Variants in CREBBP observed in about 807,000 individuals in gnomAD.
CREBBP encodes the protein CREB binding lysine acetyltransferase, also known as CREB-binding protein.
CREBBP carries 19 observed loss-of-function variants against 265.0 expected under a neutral mutation model. That is an observed-to-expected ratio of 0.07 (90% CI 0.05 to 0.11). The LOEUF (loss-of-function observed/expected upper bound fraction) is 0.11, where lower values mean the gene tolerates loss of function less well. Ranked by LOEUF, CREBBP falls within the 10% of genes least tolerant of loss-of-function variation. The pLI, the probability that CREBBP is intolerant of heterozygous loss-of-function variation, is 1.00. For missense variants in CREBBP, 2,525 were observed against 3,219.0 expected (o/e 0.78, Z 5.22); for synonymous variants, 1,457 against 1,223.7 (o/e 1.19, Z -3.98).
rs2051915412 is a variant in CREBBP at position 3,731,499 on chromosome 16, C to G, written c.4891-26G>C. ...CTGCAGGAGAGGAGGGGCTTTAGTC[C>G]CACACAAGGGACATGGCACCTCCAG... On this transcript the variant is annotated intron_variant, in intron 29 of 30. Coordinates refer to ENST00000262367, the MANE Select transcript of CREBBP (RefSeq NM_004380.3). The surrounding 1 kb of genome is among the most constrained non-coding windows in gnomAD (Gnocchi z 7.7). 6.4e-7 allele frequency: 1 copy of G among 1,564,170 alleles called. No homozygotes were observed. Among genetic ancestry groups the G allele is most frequent in the East Asian group, 2.3e-5 (1 of 42,848 alleles).
intron 2 of CREBBP, among the ~76,000 whole-genome samples, chr16:3,844,328 T>G (rs1458552685): frequency 6.6e-6 from 1 of 152,136 alleles, no homozygotes; most frequent in Non-Finnish European, 1.5e-5. Context: ...ACTTTTGATT[T>G]TACAATTACA....
Position 3,851,882 on chromosome 16 carries a change from C to G in CREBBP, c.86-873G>C, listed in dbSNP as rs1393267489. On this transcript the variant is annotated intron_variant, in intron 1 of 30. Transcript: ENST00000262367. Reference sequence around the variant, plus strand: ...TCTCAAAAAAAAAAAAAAAAAAAGACAAAACATTAGCCGGGCATGGTGGCG... The same window carrying G: ...TCTCAAAAAAAAAAAAAAAAAAAGAGAAAACATTAGCCGGGCATGGTGGCG... 4.1e-5 allele frequency among the ~76,000 whole-genome samples: 4 copies of G among 97,722 alleles called. 1 individual carries two copies. The East Asian group carries it at 1.3e-3, about 32-fold the overall frequency. The allele number at this position is 97,722 out of a possible 152,430, so 64.1% of individuals were successfully genotyped here.
intron 5 of CREBBP, among the ~76,000 whole-genome samples, chr16:3,787,451 G>T (rs1173695742): frequency 2.0e-5 from 3 of 152,076 alleles, no homozygotes; most frequent in Admixed American, 1.3e-4. Context: ...ACAGCCTTCA[G>T]ATTCTGCTCC....
At chr16:3,810,831 G>T in intron 2 of CREBBP, 52 bp from the exon 3 acceptor site, 2 of 1,575,844 alleles carry the variant, frequency 1.3e-6, no homozygotes, top group Non-Finnish European at 1.7e-6. Flanking sequence ...CAATATAAAA[G>T]GAAGGGCCTG....
intron 3 of CREBBP, among the ~76,000 whole-genome samples, chr16:3,797,765 C>T (rs1014937607): frequency 2.0e-5 from 3 of 151,334 alleles, no homozygotes; most frequent in Non-Finnish European, 2.9e-5. Flanking sequence ...TCCTTATCTT[C>T]CCTTTTATTT....
chr16:3,839,626 G>A (rs995559688), intron 2 of CREBBP, among the ~76,000 whole-genome samples: 25 of 149,922 alleles, frequency 1.7e-4, no homozygotes, highest in African/African-American at 5.9e-4. Context: ...AGGTTGCAGT[G>A]AGCCGAGATC....
Position 3,726,538 on chromosome 16 carries a change from G to A in CREBBP, c.*1180C>T, listed in dbSNP as rs899312186. On this transcript the variant is annotated 3_prime_UTR_variant, in exon 31 of 31. Transcript: ENST00000262367. ...CCACAACCGCAGCCCCAGCCTCTCC[G>A]CTATGAGCGAACAACCAGAACCATG... is the stretch of plus-strand genomic sequence containing the variant. The A allele has an allele frequency of 4.7e-5, 11 of 233,582 alleles. No individual in the cohort carries two copies. Among genetic ancestry groups the A allele is most frequent in the South Asian group, 3.6e-4 (2 of 5,528 alleles). The allele number at this position is 233,582 out of a possible 1,614,324, so 14.5% of individuals were successfully genotyped here.
chr16:3,860,006 T>G (rs2055040445), intron 1 of CREBBP, among the ~76,000 whole-genome samples: 1 of 152,128 alleles, frequency 6.6e-6, no homozygotes, highest in South Asian at 2.1e-4. Flanking sequence ...AACTTGGGGC[T>G]TGCAAATGGT....
In CREBBP at chr16:3,727,811, C is replaced by T. The variant is rs745992971; in HGVS notation, c.7236G>A (p.Leu2412=). ...NPEQSAMLPQ[L]NTPSRSALSS... ...ACAGCGCACTCCTGCTGGGGGTGTTCAGCTGGGGGAGCATTGCACTCTGTT... is the reference window on the plus strand; with the variant it reads ...ACAGCGCACTCCTGCTGGGGGTGTTTAGCTGGGGGAGCATTGCACTCTGTT... The change falls in exon 31 of 31, where the codon CTG becomes CTA. Residue 2412 remains leucine, a synonymous_variant. Transcript: ENST00000262367. 109 of 1,614,058 alleles carry T rather than the reference C, an allele frequency of 6.8e-5. No homozygotes were observed. The highest frequency in any genetic ancestry group is 8.9e-5 in the Non-Finnish European group (105 of 1,180,054).
At chr16:3,822,137 C>A (rs551624877) in intron 2 of CREBBP, among the ~76,000 whole-genome samples, 2 of 152,060 alleles carry the variant, frequency 1.3e-5, no homozygotes, top group Non-Finnish European at 2.9e-5. Context: ...GGACAGAGGG[C>A]CTCAATAAGT....
rs149557643 is a variant in CREBBP at position 3,758,428 on chromosome 16, T to C, written c.3370-380A>G. Among the ~76,000 whole-genome samples the C allele has an allele frequency of 7.0e-4, 106 of 152,284 alleles. 1 individual carries two copies. The highest frequency in any genetic ancestry group is 2.3e-3 in the African/African-American group (97 of 41,558). ...CTTGATCCTAGCAAGCAAAATGAAA[T>C]TACAAGACAAATATAAACACAAAGC... On this transcript the variant is annotated intron_variant, in intron 17 of 30. Coordinates refer to ENST00000262367, the MANE Select transcript of CREBBP (RefSeq NM_004380.3).
chr16:3,783,036 C>T (rs1596921658), intron 5 of CREBBP, 110 bp from the exon 6 acceptor site: 8 of 1,363,056 alleles, frequency 5.9e-6, no homozygotes, highest in South Asian at 4.9e-5. Flanking sequence ...CAAAATACTA[C>T]ACATGAATAT....
rs1343450813 is a variant in CREBBP, at chr16:3,880,074, G to A, written c.-158C>T. On this transcript the variant is annotated 5_prime_UTR_variant, in exon 1 of 31. Coordinates refer to ENST00000262367, the MANE Select transcript of CREBBP (RefSeq NM_004380.3). ...GGGAGAGGGAGGGCGCAGGCCGGGT[G>A]GGGGAGGCGGCGGCCAAATCTCAGC... 5.3e-6 allele frequency: 2 copies of A among 375,376 alleles called. No individual in the cohort carries two copies. The highest frequency in any genetic ancestry group is 5.7e-5 in the East Asian group (1 of 17,428). The allele number at this position is 375,376 out of a possible 1,614,324, so 23.3% of individuals were successfully genotyped here. A position where few individuals can be genotyped will look rare whatever the true frequency, so the allele number is the denominator to read the frequency against.
In CREBBP at chr16:3,757,290, A is replaced by G. The variant is rs2052609327; in HGVS notation, c.3696T>C (p.Asn1232=). ...PRDAAYYSYQ[N]RYHFCEKCFT... ...GCAGGATGCTGCTTGACGCTTACCT[A>G]TTCTGATAGCTGTAGTAGGCAGCAT... is the stretch of plus-strand genomic sequence containing the variant. The change falls in exon 19 of 31, where the codon AAT becomes AAC. Residue 1232 remains asparagine, a splice_region_variant and synonymous_variant. Transcript: ENST00000262367. 6.2e-7 allele frequency: 1 copy of G among 1,611,100 alleles called. No homozygotes were observed. Among genetic ancestry groups the G allele is most frequent in the Non-Finnish European group, 8.5e-7 (1 of 1,178,362 alleles).
intron 2 of CREBBP, among the ~76,000 whole-genome samples, chr16:3,833,694 C>T (rs1003514918): frequency 1.3e-5 from 2 of 151,976 alleles, no homozygotes; most frequent in Admixed American, 6.6e-5. Context: ...GAAATGAAAA[C>T]GAGAAACTAA....
chr16:3,869,674 G>A lies in CREBBP; in HGVS notation c.85+10158C>T, dbSNP rs549314435. Among the ~76,000 whole-genome samples the A allele has an allele frequency of 1.8e-4, 27 of 152,234 alleles. No homozygotes were observed. In the South Asian group the frequency reaches 4.4e-3, roughly 25 times the overall value. ...AGTACTCAACAGCCACACGTGGCTC[G>A]TGGTTCCAGTACTGTGTCATATAGA... On this transcript the variant is annotated intron_variant, in intron 1 of 30. Coordinates refer to ENST00000262367, the MANE Select transcript of CREBBP (RefSeq NM_004380.3).
At chr16:3,749,799 G>A (rs2052432357) in intron 20 of CREBBP, 116 bp from the exon 21 acceptor site, 1 of 670,300 alleles carries the variant, frequency 1.5e-6, no homozygotes, top group Non-Finnish European at 2.6e-6. Context: ...AAGACATGAT[G>A]GCCCCTTAAA....
At chr16:3,849,387 G>A (rs1012767251) in intron 2 of CREBBP, among the ~76,000 whole-genome samples, 7 of 1,486 alleles carry the variant, frequency 4.7e-3, no homozygotes, top group Admixed American at 0.026. Flanking sequence ...CCGTGTGTGT[G>A]TGTGTGTGTG....
intron 2 of CREBBP, among the ~76,000 whole-genome samples, chr16:3,816,450 CT>C (rs933958669): frequency 8.5e-5 from 13 of 152,290 alleles, no homozygotes; most frequent in African/African-American, 2.9e-4. Context: ...AGTGTGAGCT[CT>C]GATGAGGAAA....
Sources: allele counts gnomAD v4.1 joint callset (sites outside exome capture counted in the v4.1 genomes callset), GRCh38; gene constraint gnomAD v4.1.1; non-coding constraint Gnocchi (gnomAD v3.1); transcripts MANE v1.5; gene names NCBI Gene and HGNC (gene_info 2026-07-23, HGNC 2026-07-21).